TADA3: variants seen among roughly 807,000 people sequenced by gnomAD.
TADA3 encodes the protein transcriptional adapter 3.
TADA3 carries 25 observed loss-of-function variants against 43.2 expected under a neutral mutation model. That is an observed-to-expected ratio of 0.58 (90% CI 0.42 to 0.81). TADA3 has a LOEUF of 0.81. TADA3 is among the 30% of genes least tolerant of loss of function. TADA3 has a pLI of 0.00. For missense variants in TADA3, 441 were observed against 567.8 expected (o/e 0.78, Z 2.27); for synonymous variants, 235 against 225.5 (o/e 1.04, Z -0.38).
At chr3:9,786,106 T>C (rs1202139738) in intron 6 of TADA3, among the ~76,000 whole-genome samples, 2 of 152,068 alleles carry the variant, frequency 1.3e-5, no homozygotes, top group African/African-American at 4.8e-5. Flanking sequence ...GCCCGGCTAA[T>C]TTTTTTGTAT....
In TADA3 at chr3:9,789,855, G is replaced by T; in HGVS notation, c.316C>A (p.Leu106Met). Residue 106 changes from leucine to methionine, a missense_variant, in exon 3 of 9, where the codon CTG (leucine) becomes ATG (methionine). Transcript: ENST00000301964. ...PKHGKPKKQK[L>M]EGKAGHGPGP... Reference sequence around the variant, plus strand: ...GGCCCATGTCCTGCCTTCCCTTCCAGTTTCTGCTTCTTGGGCTTCCCATGT... The same window carrying T: ...GGCCCATGTCCTGCCTTCCCTTCCATTTTCTGCTTCTTGGGCTTCCCATGT... The T allele has an allele frequency of 4.3e-6, 7 of 1,614,250 alleles. No individual in the cohort carries two copies. Among genetic ancestry groups the T allele is most frequent in the Non-Finnish European group, 5.9e-6 (7 of 1,180,044 alleles).
intron 3 of TADA3, 35 bp from the exon 4 acceptor site, chr3:9,789,649 T>C: frequency 1.2e-6 from 2 of 1,611,580 alleles, no homozygotes; most frequent in Non-Finnish European, 1.7e-6. Context: ...TGGGCGCCCC[T>C]GCCCCACCAG....
chr3:9,780,712 C>T (rs2078439679), intron 8 of TADA3, among the ~76,000 whole-genome samples, 163 bp from the exon 9 acceptor site: 1 of 152,228 alleles, frequency 6.6e-6, no homozygotes, highest in Non-Finnish European at 1.5e-5. Context: ...TTACATGGCA[C>T]TATCTTAAGC....
At chr3:9,788,016 G>A (rs981365509) in intron 4 of TADA3, 11 of 294,480 alleles carry the variant, frequency 3.7e-5, no homozygotes, top group South Asian at 3.3e-4. Context: ...GGATATGGCC[G>A]AGGAAAATGG....
In TADA3 at chr3:9,789,806, T is replaced by G; in HGVS notation, c.365A>C (p.Lys122Thr). ...GATCTTGGGCTGAAGGTTTTTGGATTTGGGCCGTCCTGGGCCAGGGCCCGG... is the reference window on the plus strand; with the variant it reads ...GATCTTGGGCTGAAGGTTTTTGGATGTGGGCCGTCCTGGGCCAGGGCCCGG... ...HGPGPGPGRP[K>T]SKNLQPKIQE... Residue 122 changes from lysine (K) to threonine (T), a missense_variant, in exon 3 of 9, where the codon AAA becomes ACA. Physicochemically the swap from Lys to Thr is moderately conservative, Grantham distance 78. Transcript: ENST00000301964. 1 of 1,614,252 alleles carries G rather than the reference T, an allele frequency of 6.2e-7. No homozygotes were observed. Among genetic ancestry groups the G allele is most frequent in the Non-Finnish European group, 8.5e-7 (1 of 1,180,048 alleles).
upstream of TADA3, chr3:9,792,542 T>A: frequency 8.2e-7 from 1 of 1,225,446 alleles, no homozygotes; most frequent in African/African-American, 1.6e-5. Context: ...TACTGGAGTT[T>A]GCCGGGGGTG....
Position 9,784,127 on chromosome 3 carries a change from T to C in TADA3, c.1007A>G (p.Glu336Gly). ...GLLESEDRPAEDSEDEVLAEL... is the reference protein window; with the variant it reads ...GLLESEDRPAGDSEDEVLAEL... ...AGCAAGGACCTCATCCTCGGAGTCC[T>C]CTGCGGGGCGGTCCTCAGACTCCAA... Residue 336 changes from glutamate to glycine, a missense_variant, in exon 8 of 9, where the codon GAG (glutamate) becomes GGG (glycine). Glu to Gly is a moderately conservative substitution (Grantham distance 98, BLOSUM62 -2). Transcript: ENST00000301964. 6.2e-7 allele frequency: 1 copy of C among 1,614,174 alleles called. No individual in the cohort carries two copies. The highest frequency in any genetic ancestry group is 1.7e-4 in the Middle Eastern group (1 of 6,060).
chr3:9,780,504 C>T lies in TADA3; in HGVS notation c.1152G>A (p.Val384=). The T allele has an allele frequency of 6.2e-7, 1 of 1,608,348 alleles. No homozygotes were observed. Among genetic ancestry groups the T allele is most frequent in the Non-Finnish European group, 8.5e-7 (1 of 1,179,942 alleles). The change falls in exon 9 of 9, where the codon GTG becomes GTA. Residue 384 remains valine, a synonymous_variant. Transcript: ENST00000301964. ...EVSRQELRQR[V]RMADNEVMDA... ...CCATGACCTCGTTGTCAGCCATGCG[C>T]ACCCGCTGCCTCAGCTCCTGCCGGC...
chr3:9,792,467 C>G lies in TADA3; in HGVS notation c.-279G>C, dbSNP rs1668092979. 3 of 1,184,894 alleles carry G rather than the reference C, an allele frequency of 2.5e-6. No individual in the cohort carries two copies. Among genetic ancestry groups the G allele is most frequent in the East Asian group, 7.2e-5 (2 of 27,720 alleles). The allele number at this position is 1,184,894 out of a possible 1,614,324, so 73.4% of individuals were successfully genotyped here. ...TTCCGGTCGATGTGAGCAACCGCCCCGGAACTGGCTATGGGCGGGCCCCTT... is the reference window on the plus strand; with the variant it reads ...TTCCGGTCGATGTGAGCAACCGCCCGGGAACTGGCTATGGGCGGGCCCCTT... On this transcript the variant is annotated 5_prime_UTR_variant, in exon 1 of 9. Transcript: ENST00000301964.
chr3:9,791,136 G>GTC (rs1357265816), intron 2 of TADA3, 124 bp downstream of exon 2: 4 of 906,186 alleles, frequency 4.4e-6, no homozygotes, highest in African/African-American at 1.7e-5. Flanking sequence ...CCCAGTTTGC[G>GTC]TCTCTCTCCC....
chr3:9,787,058 T>C lies in TADA3; in HGVS notation c.758A>G (p.Asp253Gly). ...KSEAQHEQPE[D>G]GCPFGALTQR... is the part of the protein sequence containing the mutation. ...CGTCAGGGCACCAAAGGGGCATCCATCTTCCGGCTGTTCATGCTGGGCCTC... is the reference window on the plus strand; with the variant it reads ...CGTCAGGGCACCAAAGGGGCATCCACCTTCCGGCTGTTCATGCTGGGCCTC... Residue 253 changes from aspartate (D) to glycine (G), a missense_variant, in exon 6 of 9, where the codon GAT becomes GGT. Coordinates refer to ENST00000301964, the MANE Select transcript of TADA3 (RefSeq NM_006354.5). 3 of 1,614,182 alleles carry C rather than the reference T, an allele frequency of 1.9e-6. No individual in the cohort carries two copies. Among genetic ancestry groups the C allele is most frequent in the Non-Finnish European group, 2.5e-6 (3 of 1,180,028 alleles).
chr3:9,789,547 ACTC>A lies in TADA3; in HGVS notation c.523_525del (p.Glu175del). 2 of 1,613,868 alleles carry A rather than the reference ACTC, an allele frequency of 1.2e-6. No individual in the cohort carries two copies. The highest frequency in any genetic ancestry group is 1.7e-6 in the Non-Finnish European group (2 of 1,179,948). On this transcript the variant is annotated inframe_deletion, in exon 4 of 9. Coordinates refer to ENST00000301964, the MANE Select transcript of TADA3 (RefSeq NM_006354.5). The stretch of plus-strand genomic sequence containing the variant: ...GCCTCATCTTCTGGGGGCTTCAGTA[ACTC>A]CTCAAGTGTGCGGACCTCCTCGCTG...
intron 2 of TADA3, 126 bp from the exon 3 acceptor site, chr3:9,790,089 C>T: frequency 8.2e-7 from 1 of 1,217,588 alleles, no homozygotes; most frequent in Non-Finnish European, 1.1e-6. Context: ...CCTCTTTTTA[C>T]CTAGTAAACT....
At chr3:9,784,646 C>T (rs1575298445) in intron 7 of TADA3, among the ~76,000 whole-genome samples, 1 of 152,088 alleles carries the variant, frequency 6.6e-6, no homozygotes, top group East Asian at 1.9e-4. Flanking sequence ...GGGAGGATCA[C>T]CTGAGGTCAG....
At chr3:9,792,486 G>A (rs1289460880), upstream of TADA3, 1 of 1,206,880 alleles carries the variant, frequency 8.3e-7, no homozygotes, top group Non-Finnish European at 1.0e-6. Context: ...CTATGGGCGG[G>A]CCCCTTGCAG....
intron 6 of TADA3, among the ~76,000 whole-genome samples, chr3:9,786,289 C>T (rs141433453): frequency 9.5e-4 from 144 of 152,254 alleles, no homozygotes; most frequent in African/African-American, 3.4e-3. Context: ...CCAGAGTGAC[C>T]TTGTGCAGAC....
upstream of TADA3, chr3:9,792,695 A>T (rs1396732402): frequency 1.5e-5 from 19 of 1,233,524 alleles, no homozygotes; most frequent in South Asian, 6.6e-4. Context: ...GCCGAGCGCC[A>T]GGAGCTGCGG....
chr3:9,786,663 A>G (rs2078621001), intron 6 of TADA3, among the ~76,000 whole-genome samples: 1 of 152,176 alleles, frequency 6.6e-6, no homozygotes, highest in Admixed American at 6.5e-5. Flanking sequence ...ATGCTTAGCA[A>G]AAGTAATTGT....
At position 9,789,811 on chromosome 3, in the gene TADA3, C is replaced by T. The variant is rs1483810333; in HGVS notation, c.360G>A (p.Arg120=). ...AGHGPGPGPG[R]PKSKNLQPKI... is the part of the protein sequence containing the mutation. ...TGGGCTGAAGGTTTTTGGATTTGGG[C>T]CGTCCTGGGCCAGGGCCCGGCCCAT... is the stretch of plus-strand genomic sequence containing the variant. Residue 120 remains arginine, a synonymous_variant, in exon 3 of 9, where the codon CGG becomes CGA. Coordinates refer to ENST00000301964, the MANE Select transcript of TADA3 (RefSeq NM_006354.5). 2.5e-6 allele frequency: 4 copies of T among 1,614,226 alleles called. No individual in the cohort carries two copies. Among genetic ancestry groups the T allele is most frequent in the Admixed American group, 1.7e-5 (1 of 60,026 alleles).
Sources: allele counts gnomAD v4.1 joint callset (sites outside exome capture counted in the v4.1 genomes callset), GRCh38; gene constraint gnomAD v4.1.1; transcripts MANE v1.5; gene names NCBI Gene and HGNC (gene_info 2026-07-23, HGNC 2026-07-21).